Variants in FMO3 observed in about 807,000 individuals in gnomAD.
FMO3 encodes flavin-containing monooxygenase 3.
A neutral mutation model predicts 39.4 loss-of-function variants in FMO3; 40 were observed. The observed-to-expected ratio is 1.02, with a 90% confidence interval of 0.79 to 1.32. FMO3 has a LOEUF of 1.32. Among genes scored for constraint, FMO3 ranks in the 40% most tolerant of loss-of-function variants. The pLI is 0.00. For missense variants in FMO3, 680 were observed against 651.8 expected (o/e 1.04, Z -0.47); for synonymous variants, 219 against 228.8 (o/e 0.96, Z 0.39).
At chr1:171,096,073 A>AAATATATATTAT (rs1557933394) in intron 2 of FMO3, among the ~76,000 whole-genome samples, 1 of 60,994 alleles carries the variant, frequency 1.6e-5, no homozygotes, top group South Asian at 5.9e-4. Flanking sequence ...ATTATATATT[A>AAATATATATTAT]ATATATAATA....
chr1:171,096,152 A>G (rs1413861507), intron 2 of FMO3, among the ~76,000 whole-genome samples: 2 of 78,140 alleles, frequency 2.6e-5, no homozygotes, highest in African/African-American at 1.1e-4. Context: ...TATTGATATG[A>G]ATATATAATA....
In FMO3 at chr1:171,110,938, C is replaced by T. The variant is rs772955747; in HGVS notation, c.768C>T (p.Tyr256=). 2.9e-5 allele frequency: 47 copies of T among 1,613,850 alleles called. No homozygotes were observed. In the South Asian group the frequency reaches 4.3e-4, roughly 15 times the overall value. The change falls in exon 6 of 9, where the codon TAC becomes TAT. Residue 256 remains tyrosine (Y), a synonymous_variant. Transcript: ENST00000367755. Reference sequence around the variant, plus strand: ...CGACAGCCATCTCTGACTGGTTGTACGTGAAGCAGATGAATGCAAGATTCA... The same window carrying T: ...CGACAGCCATCTCTGACTGGTTGTATGTGAAGCAGATGAATGCAAGATTCA... ...NLPTAISDWL[Y]VKQMNARFKH... is the part of the protein sequence containing the mutation.
intron 6 of FMO3, among the ~76,000 whole-genome samples, chr1:171,111,634 C>T (rs921643177): frequency 6.6e-6 from 1 of 152,204 alleles, no homozygotes; most frequent in African/African-American, 2.4e-5. Context: ...CTTCAGTCTC[C>T]TTCCCATCTT....
chr1:171,096,521 ATATACTTTATATATTAAATACATAC>A (rs1557934255), intron 2 of FMO3, among the ~76,000 whole-genome samples: 8,848 of 88,388 alleles, frequency 0.1, 1,587 homozygotes, highest in Non-Finnish European at 0.13. Context: ...TAAATACATA[ATATACTTTATATATTAAATACATAC>A]TATACTTTAT....
chr1:171,104,683 G>C (rs1655560499), intron 3 of FMO3, among the ~76,000 whole-genome samples: 1 of 152,074 alleles, frequency 6.6e-6, no homozygotes, highest in Non-Finnish European at 1.5e-5. Flanking sequence ...AAACTAGCCT[G>C]GGTGACATGG....
intron 7 of FMO3, among the ~76,000 whole-genome samples, chr1:171,115,592 C>A (rs1656111299): frequency 6.6e-6 from 1 of 152,178 alleles, no homozygotes; most frequent in African/African-American, 2.4e-5. Context: ...CCAAAGAAAT[C>A]ATCCTAAATT....
chr1:171,093,809 C>T (rs1008052029), intron 2 of FMO3, among the ~76,000 whole-genome samples: 12 of 149,038 alleles, frequency 8.1e-5, no homozygotes, highest in African/African-American at 3.0e-4. Context: ...TTCCTTTTCT[C>T]CACATACTCA....
intron 8 of FMO3, among the ~76,000 whole-genome samples, chr1:171,116,672 G>C (rs759597752): frequency 3.9e-4 from 59 of 152,212 alleles, no homozygotes; most frequent in Middle Eastern, 3.4e-3. Context: ...TATTTCAAAG[G>C]TATACCTCTA....
intron 2 of FMO3, chr1:171,101,594 A>G: frequency 4.6e-6 from 2 of 432,224 alleles, no homozygotes; most frequent in Admixed American, 2.8e-5. Flanking sequence ...AAACTTAGCT[A>G]ACACTAAGGG....
intron 5 of FMO3, among the ~76,000 whole-genome samples, chr1:171,109,526 C>CTTTTCT (rs1655803706): frequency 1.7e-5 from 1 of 58,996 alleles, no homozygotes; most frequent in African/African-American, 7.1e-5. Context: ...TTAGTCTCTT[C>CTTTTCT]TTTTTTTTTT....
At chr1:171,104,428 T>C (rs1385339493) in intron 3 of FMO3, among the ~76,000 whole-genome samples, 1 of 151,674 alleles carries the variant, frequency 6.6e-6, no homozygotes, top group Admixed American at 6.6e-5. Context: ...ATGAAAAAGT[T>C]TAAAAATAAG....
Position 171,112,670 on chromosome 1 carries a change from A to G in FMO3, c.828-1337A>G, listed in dbSNP as rs571369557. 5.3e-5 allele frequency among the ~76,000 whole-genome samples: 8 copies of G among 152,330 alleles called. No homozygotes were observed. In the South Asian group the frequency reaches 1.7e-3, roughly 32 times the overall value. ...ATTAAAGTTGGAATGCCTATTAGAC[A>G]TTCTGGTAGAAGAATGTTGAGCCAG... On this transcript the variant is annotated intron_variant, in intron 6 of 8. Transcript: ENST00000367755.
chr1:171,100,348 G>T (rs1308738095), intron 2 of FMO3: 2 of 152,160 alleles, frequency 1.3e-5, no homozygotes, highest in Admixed American at 6.5e-5. Context: ...AGGCCCTGAG[G>T]GCAGAGGCCT....
rs963353775 is a variant in FMO3, at chr1:171,112,454, G to A, written c.827+1457G>A. 2.6e-5 allele frequency among the ~76,000 whole-genome samples: 4 copies of A among 152,294 alleles called. No individual in the cohort carries two copies. In the South Asian group the frequency reaches 8.3e-4, roughly 32 times the overall value. The stretch of plus-strand genomic sequence containing the variant: ...GGTCTGGACCAAAATTGTTAGCAGT[G>A]AGTGGTCAGAATTGGGCAGATTTCT... On this transcript the variant is annotated intron_variant, in intron 6 of 8. Coordinates refer to ENST00000367755, the MANE Select transcript of FMO3 (RefSeq NM_001002294.3).
chr1:171,104,461 G>A (rs1431106375), intron 3 of FMO3, among the ~76,000 whole-genome samples: 2 of 151,888 alleles, frequency 1.3e-5, no homozygotes, highest in African/African-American at 2.4e-5. Context: ...AAAAAAATTA[G>A]TAAAAGAAAG....
rs1407656395 is a variant in FMO3 at position 171,096,709 on chromosome 1, A to C, written c.132+3919A>C. ...ATATAATTAATATAATTATATAAAA[A>C]TTAATATAATTATATTAAAAATATA... On this transcript the variant is annotated intron_variant, in intron 2 of 8. Coordinates refer to ENST00000367755, the MANE Select transcript of FMO3 (RefSeq NM_001002294.3). Among the ~76,000 whole-genome samples the C allele has an allele frequency of 1.3e-4, 18 of 139,452 alleles. No individual in the cohort carries two copies. The South Asian group carries it at 3.9e-3, about 30-fold the overall frequency. 91.5% of individuals were successfully genotyped at this position (139,452 alleles called of 152,430 possible). A position where few individuals can be genotyped will look rare whatever the true frequency, so the allele number is the denominator to read the frequency against.
intron 2 of FMO3, chr1:171,101,084 G>T: frequency 2.2e-6 from 1 of 456,138 alleles, no homozygotes; most frequent in Non-Finnish European, 4.4e-6. Flanking sequence ...GGCCAGAGGA[G>T]CCATGAGTGA....
At chr1:171,106,457 G>T (rs1305959619) in intron 3 of FMO3, among the ~76,000 whole-genome samples, 1 of 152,112 alleles carries the variant, frequency 6.6e-6, no homozygotes, top group East Asian at 1.9e-4. Flanking sequence ...TTTTGTAATT[G>T]CATATGTTGC....
chr1:171,107,939 T>C, intron 4 of FMO3, 102 bp downstream of exon 4: 1 of 1,384,930 alleles, frequency 7.2e-7, no homozygotes, highest in Non-Finnish European at 1.0e-6. Context: ...AATTAAAATA[T>C]ACTTCTGTTA....
Sources: allele counts gnomAD v4.1 joint callset (sites outside exome capture counted in the v4.1 genomes callset), GRCh38; gene constraint gnomAD v4.1.1; transcripts MANE v1.5; gene names NCBI Gene and HGNC (gene_info 2026-07-23, HGNC 2026-07-21).